The following CEP128 variants were observed in gnomAD, a reference collection of about 807,000 sequenced individuals.
CEP128 encodes the protein centrosomal protein 128kDa.
In CEP128, 132 loss-of-function variants were observed where a neutral mutation model predicts 156.7. The ratio of observed to expected loss-of-function variants is 0.84; its 90% CI spans 0.73 to 0.97. The LOEUF (loss-of-function observed/expected upper bound fraction) is 0.97, where lower values mean the gene tolerates loss of function less well. Among genes scored for constraint, CEP128 ranks in the 50% least tolerant of loss-of-function variants. The pLI, the probability that CEP128 is intolerant of heterozygous loss-of-function variation, is 0.00. For missense variants in CEP128, 1,252 were observed against 1,281.9 expected (o/e 0.98, Z 0.36); for synonymous variants, 469 against 448.9 (o/e 1.04, Z -0.57).
At chr14:80,484,400 T>C (rs940115894) in intron 14 of CEP128, among the ~76,000 whole-genome samples, 21 of 152,230 alleles carry the variant, frequency 1.4e-4, no homozygotes, top group African/African-American at 5.1e-4. Context: ...CAAGACCTAC[T>C]TGGGTTATCA....
chr14:80,951,927 G>T (rs1312468957), intron 2 of CEP128, among the ~76,000 whole-genome samples: 1 of 151,002 alleles, frequency 6.6e-6, no homozygotes, highest in Non-Finnish European at 1.5e-5. Context: ...ACAATGAAGA[G>T]AACAAGAAAA....
chr14:80,719,448 A>C (rs997598342), intron 19 of CEP128, among the ~76,000 whole-genome samples: 5 of 152,174 alleles, frequency 3.3e-5, no homozygotes, highest in African/African-American at 1.2e-4. Flanking sequence ...TTTAGGGCTC[A>C]CCTTTCCTGT....
intron 19 of CEP128, among the ~76,000 whole-genome samples, chr14:80,634,758 T>C (rs1894112037): frequency 6.6e-6 from 1 of 152,198 alleles, no homozygotes; most frequent in Non-Finnish European, 1.5e-5. Flanking sequence ...TTTCCACAGG[T>C]ACCACTTCAG....
chr14:80,558,211 C>G (rs1230058243), intron 21 of CEP128, among the ~76,000 whole-genome samples: 2 of 151,956 alleles, frequency 1.3e-5, no homozygotes, highest in African/African-American at 2.4e-5. Context: ...ATATTATAAG[C>G]CTTTGTATAA....
At chr14:80,937,310 G>C (rs1199190026) in intron 2 of CEP128, among the ~76,000 whole-genome samples, 1 of 152,138 alleles carries the variant, frequency 6.6e-6, no homozygotes, top group African/African-American at 2.4e-5. Context: ...GACAGAGTGA[G>C]ACCCTGTCTC....
chr14:80,691,511 T>C (rs1389854974), intron 19 of CEP128, among the ~76,000 whole-genome samples: 2 of 152,196 alleles, frequency 1.3e-5, no homozygotes, highest in African/African-American at 2.4e-5. Context: ...TGATTGGGGC[T>C]GACTGTTAGG....
At chr14:80,656,283 A>T (rs71430714) in intron 19 of CEP128, among the ~76,000 whole-genome samples, 6,891 of 19,742 alleles carry the variant, frequency 0.35, 823 homozygotes, top group African/African-American at 0.46. Context: ...TTTTATTTAT[A>T]TATATATTTA....
intron 23 of CEP128, among the ~76,000 whole-genome samples, chr14:80,505,824 GT>G (rs1413839956): frequency 2.6e-5 from 4 of 152,024 alleles, no homozygotes; most frequent in African/African-American, 9.7e-5. Context: ...TGTACTTGTG[GT>G]TTTTTTCCTT....
intron 19 of CEP128, among the ~76,000 whole-genome samples, chr14:80,678,184 T>C (rs1896167227): frequency 6.6e-6 from 1 of 151,734 alleles, no homozygotes; most frequent in East Asian, 1.9e-4. Context: ...TAAAATGAAA[T>C]GGAACCACAT....
At chr14:80,517,866 G>A (rs947779505) in intron 23 of CEP128, among the ~76,000 whole-genome samples, 2 of 152,016 alleles carry the variant, frequency 1.3e-5, no homozygotes, top group African/African-American at 2.4e-5. Context: ...GAACAATGGC[G>A]AGCCTTTATC....
At chr14:80,560,124 T>C (rs1202040054) in intron 20 of CEP128, among the ~76,000 whole-genome samples, 1 of 152,178 alleles carries the variant, frequency 6.6e-6, no homozygotes, top group Non-Finnish European at 1.5e-5. Context: ...TTGTTTTCTC[T>C]TATTTTAAGA....
At chr14:80,497,643 A>G in intron 24 of CEP128, 61 bp from the exon 25 acceptor site, 1 of 1,133,348 alleles carries the variant, frequency 8.8e-7, no homozygotes, top group Non-Finnish European at 1.3e-6. Flanking sequence ...GGCCTAAAAA[A>G]TTAATTTTGC....
At chr14:80,899,847 T>C in intron 7 of CEP128, 91 bp downstream of exon 7, 3 of 922,556 alleles carry the variant, frequency 3.3e-6, no homozygotes, top group Non-Finnish European at 5.1e-6. Context: ...CACAACATTT[T>C]TTAAAAATCT....
intron 23 of CEP128, among the ~76,000 whole-genome samples, chr14:80,506,829 A>G (rs1479866692): frequency 6.6e-6 from 1 of 152,116 alleles, no homozygotes; most frequent in African/African-American, 2.4e-5. Flanking sequence ...ATTAGCTTTC[A>G]TGTTCCAAAG....
intron 21 of CEP128, among the ~76,000 whole-genome samples, chr14:80,539,705 A>C (rs1244028083): frequency 6.6e-6 from 1 of 152,186 alleles, no homozygotes; most frequent in Non-Finnish European, 1.5e-5. Flanking sequence ...CTGCGGGGTC[A>C]GGCAAAACAG....
intron 6 of CEP128, among the ~76,000 whole-genome samples, chr14:80,903,654 GA>G (rs945751008): frequency 4.6e-4 from 68 of 147,140 alleles, no homozygotes; most frequent in East Asian, 6.1e-4. Flanking sequence ...ACTCAATAGC[GA>G]AAAAAAAAAA....
downstream of CEP128, among the ~76,000 whole-genome samples, chr14:80,488,989 TG>T (rs1432669566): frequency 2.8e-3 from 72 of 25,388 alleles, no homozygotes; most frequent in South Asian, 8.8e-3. Flanking sequence ...TGTTGTGGGT[TG>T]GGGGGAGGGG....
intron 19 of CEP128, among the ~76,000 whole-genome samples, chr14:80,688,889 C>A (rs1020941089): frequency 7.9e-5 from 12 of 152,062 alleles, no homozygotes; most frequent in African/African-American, 2.4e-4. Context: ...CTGAATTACA[C>A]CAAATCCTTT....
intron 3 of CEP128, 130 bp downstream of exon 3, chr14:80,916,271 T>C (rs1399778603): frequency 4.1e-6 from 3 of 730,306 alleles, no homozygotes; most frequent in Non-Finnish European, 6.9e-6. Flanking sequence ...AGATAATAAA[T>C]TTGTGTTGTT....
Sources: allele counts gnomAD v4.1 joint callset (sites outside exome capture counted in the v4.1 genomes callset), GRCh38; gene constraint gnomAD v4.1.1; transcripts MANE v1.5; gene names NCBI Gene and HGNC (gene_info 2026-07-23, HGNC 2026-07-21).